UNC5C: variants seen among roughly 807,000 people sequenced by gnomAD.
UNC5C encodes netrin receptor UNC5C.
In UNC5C, 47 loss-of-function variants were observed where a neutral mutation model predicts 99.8. That is an observed-to-expected ratio of 0.47 (90% CI 0.37 to 0.60). UNC5C has a LOEUF of 0.60. Among genes scored for constraint, UNC5C ranks in the 20% least tolerant of loss-of-function variants. UNC5C has a pLI of 0.00. For synonymous variants in UNC5C, 487 were observed against 452.2 expected, an observed-to-expected ratio of 1.08 and a Z score of -0.98; for missense variants, 1,062 against 1,165.9, an observed-to-expected ratio of 0.91 and a Z score of 1.30.
chr4:95,393,696 A>C (rs1745423811), intron 1 of UNC5C, among the ~76,000 whole-genome samples: 1 of 152,136 alleles, frequency 6.6e-6, no homozygotes, highest in Non-Finnish European at 1.5e-5. Flanking sequence ...GCTTTAGAGA[A>C]TATTCAGTGT....
intron 1 of UNC5C, among the ~76,000 whole-genome samples, chr4:95,460,189 C>T (rs1401749700): frequency 5.5e-5 from 7 of 127,402 alleles, no homozygotes; most frequent in Non-Finnish European, 8.1e-5. Context: ...TGGAACTGTC[C>T]ATGTGGTGTT....
intron 2 of UNC5C, among the ~76,000 whole-genome samples, chr4:95,323,312 C>T (rs1205419111): frequency 6.6e-6 from 1 of 152,166 alleles, no homozygotes; most frequent in East Asian, 1.9e-4. Context: ...GCTTTCTCTT[C>T]AGCTATAATG....
At chr4:95,325,287 G>GT (rs1219436264) in intron 2 of UNC5C, among the ~76,000 whole-genome samples, 1 of 152,094 alleles carries the variant, frequency 6.6e-6, no homozygotes, top group Non-Finnish European at 1.5e-5. Context: ...TTGAACGCTT[G>GT]TTTTTTAGGC....
chr4:95,460,017 A>G (rs959909429), intron 1 of UNC5C, among the ~76,000 whole-genome samples: 3 of 152,102 alleles, frequency 2.0e-5, no homozygotes, highest in African/African-American at 7.2e-5. Context: ...ACTGACAGGT[A>G]CTTAATTCAG....
At chr4:95,246,678 T>C (rs187874822) in intron 5 of UNC5C, among the ~76,000 whole-genome samples, 2 of 151,810 alleles carry the variant, frequency 1.3e-5, no homozygotes, top group Admixed American at 6.6e-5. Context: ...CAATACTTAA[T>C]ATGTATTTAT....
chr4:95,478,262 C>G (rs1030601093), intron 1 of UNC5C, among the ~76,000 whole-genome samples: 1 of 151,878 alleles, frequency 6.6e-6, no homozygotes, highest in African/African-American at 2.4e-5. Flanking sequence ...AAAGGCTGAA[C>G]CTTCTGTGTG....
At position 95,522,847 on chromosome 4, in the gene UNC5C, T is replaced by C. The variant is rs181214820; in HGVS notation, c.124+25887A>G. On this transcript the variant is annotated intron_variant, in intron 1 of 15. Transcript: ENST00000453304. ...ATTCTATGTCACATGTTCTCGTAAT[T>C]GTTCTATTCAAACACTCCAAGATCT... Among the ~76,000 whole-genome samples, 1,068 of 152,306 alleles carry C rather than the reference T, an allele frequency of 7.0e-3. 8 individuals are homozygous for C. The highest frequency in any genetic ancestry group is 0.025 in the African/African-American group (1,022 of 41,570).
chr4:95,231,186 C>T (rs551036461), intron 7 of UNC5C, among the ~76,000 whole-genome samples: 15 of 151,996 alleles, frequency 9.9e-5, no homozygotes, highest in Non-Finnish European at 2.2e-4. Flanking sequence ...GTATCAGATA[C>T]TTGGCCAAAA....
chr4:95,167,029 C>T lies in UNC5C; in HGVS notation c.*2205G>A, dbSNP rs1033769357. The T allele has an allele frequency of 2.0e-5, 3 of 152,036 alleles. No homozygotes were observed. Among genetic ancestry groups the T allele is most frequent in the Admixed American group, 1.3e-4 (2 of 15,246 alleles). 9.4% of individuals were successfully genotyped at this position (152,036 alleles called of 1,614,324 possible). On this transcript the variant is annotated 3_prime_UTR_variant, in exon 16 of 16. Coordinates refer to ENST00000453304, the MANE Select transcript of UNC5C (RefSeq NM_003728.4). ...AAAACAGAAGATACGGAATAAAAAG[C>T]ATGAAAGAAAGAAGAGGTTCCATAG... is the stretch of plus-strand genomic sequence containing the variant.
chr4:95,515,016 C>T (rs1722177027), intron 1 of UNC5C, among the ~76,000 whole-genome samples: 1 of 152,076 alleles, frequency 6.6e-6, no homozygotes, highest in African/African-American at 2.4e-5. Context: ...CTTGATATTT[C>T]TCCATCTCCA....
intron 2 of UNC5C, among the ~76,000 whole-genome samples, chr4:95,309,981 C>T (rs544206559): frequency 5.3e-5 from 8 of 152,242 alleles, no homozygotes; most frequent in African/African-American, 1.9e-4. Context: ...ATATCTGCTC[C>T]CCTACATTCG....
chr4:95,206,454 A>G (rs12500964), intron 11 of UNC5C, among the ~76,000 whole-genome samples, 174 bp downstream of exon 11: 12,654 of 152,188 alleles, frequency 0.083, 707 homozygotes, highest in African/African-American at 0.16. Context: ...GTGCCTGTCA[A>G]TCAGAAGATA....
intron 12 of UNC5C, among the ~76,000 whole-genome samples, chr4:95,200,031 C>T (rs1206094414): frequency 6.6e-6 from 1 of 152,164 alleles, no homozygotes; most frequent in Admixed American, 6.5e-5. Context: ...CTCATCCCTT[C>T]CCCAAGACCA....
At chr4:95,183,991 A>G (rs1032808225) in intron 13 of UNC5C, among the ~76,000 whole-genome samples, 4 of 152,226 alleles carry the variant, frequency 2.6e-5, no homozygotes, top group African/African-American at 9.6e-5. Flanking sequence ...TCATATTATC[A>G]TTATCATTAA....
intron 1 of UNC5C, among the ~76,000 whole-genome samples, chr4:95,366,135 T>G (rs1229945937): frequency 1.3e-5 from 2 of 152,108 alleles, no homozygotes; most frequent in Non-Finnish European, 2.9e-5. Context: ...TTTTAGGAAG[T>G]GAAGTCGAGG....
rs534089995 is a variant in UNC5C at position 95,288,640 on chromosome 4, G to A, written c.491-10278C>T. On this transcript the variant is annotated intron_variant, in intron 3 of 15. Coordinates refer to ENST00000453304, the MANE Select transcript of UNC5C (RefSeq NM_003728.4). The stretch of plus-strand genomic sequence containing the variant: ...AATCAAAGGGACAGCAGGATTATGC[G>A]CTCCCTCTGGAGTTTCTTAGGGAGA... Among the ~76,000 whole-genome samples, 26 of 152,310 alleles carry A rather than the reference G, an allele frequency of 1.7e-4. No homozygotes were observed. The South Asian group carries it at 2.9e-3, about 17-fold the overall frequency.
intron 1 of UNC5C, among the ~76,000 whole-genome samples, chr4:95,541,654 C>T (rs1000137623): frequency 6.6e-6 from 1 of 151,740 alleles, no homozygotes; most frequent in Admixed American, 6.6e-5. Context: ...ATTATATACT[C>T]TAAGTTTTTT....
chr4:95,357,226 T>C (rs1213090647), intron 1 of UNC5C, among the ~76,000 whole-genome samples: 2 of 151,702 alleles, frequency 1.3e-5, no homozygotes, highest in Non-Finnish European at 2.9e-5. Context: ...AGCCTCCAAC[T>C]CCTGGACTCA....
chr4:95,481,586 A>G (rs1044383732), intron 1 of UNC5C, among the ~76,000 whole-genome samples: 3 of 152,170 alleles, frequency 2.0e-5, no homozygotes, highest in South Asian at 2.1e-4. Context: ...AACTGGAGGC[A>G]TCACTCTACC....
Sources: allele counts gnomAD v4.1 joint callset (sites outside exome capture counted in the v4.1 genomes callset), GRCh38; gene constraint gnomAD v4.1.1; transcripts MANE v1.5; gene names NCBI Gene and HGNC (gene_info 2026-07-23, HGNC 2026-07-21).